PRKN: variants seen among roughly 807,000 people sequenced by gnomAD.
The protein encoded by PRKN is parkin RBR E3 ubiquitin protein ligase.
PRKN carries 56 observed loss-of-function variants against 59.5 expected under a neutral mutation model. The observed-to-expected ratio is 0.94, with a 90% confidence interval of 0.76 to 1.18. The LOEUF (loss-of-function observed/expected upper bound fraction) is 1.18. PRKN is among the 50% of genes most tolerant of loss of function. The probability of loss-of-function intolerance (pLI) is 0.00; values close to 1 mark genes in which losing one functional copy is unlikely to be tolerated. For synonymous variants in PRKN, 250 were observed against 222.1 expected, an observed-to-expected ratio of 1.13 and a Z score of -1.12; for missense variants, 657 against 596.4, an observed-to-expected ratio of 1.10 and a Z score of -1.06.
rs1164741868 is a variant in PRKN at position 161,451,907 on chromosome 6, ACATTCTTTTTT to A, written c.1084-65041_1084-65031del. ...TGTAAACTACATTTATAAATTTAAGACATTCTTTTTTTTCTTTTTTCTTTTCTTTTCTTTTA... is the reference window on the plus strand; with the variant it reads ...TGTAAACTACATTTATAAATTTAAGATTCTTTTTTCTTTTCTTTTCTTTTA... On this transcript the variant is annotated intron_variant, in intron 9 of 11. Transcript: ENST00000366898. The surrounding 1 kb of genome is among the most constrained non-coding windows in gnomAD (Gnocchi z 5.9). Among the ~76,000 whole-genome samples the A allele has an allele frequency of 1.3e-5, 2 of 151,996 alleles. No individual in the cohort carries two copies. Among genetic ancestry groups the A allele is most frequent in the African/African-American group, 2.4e-5 (1 of 41,374 alleles).
At chr6:161,594,059 G>A (rs9456687) in intron 7 of PRKN, among the ~76,000 whole-genome samples, 97,290 of 151,724 alleles carry the variant, frequency 0.64, 31,333 homozygotes, top group Middle Eastern at 0.69. Flanking sequence ...GCTACTTGAG[G>A]GGCTGAGGCA....
chr6:162,686,978 G>C (rs944608163), intron 1 of PRKN, among the ~76,000 whole-genome samples: 1 of 151,976 alleles, frequency 6.6e-6, no homozygotes, highest in Admixed American at 6.5e-5. Flanking sequence ...TTTGGTTGTT[G>C]TTGTTTTGTT....
chr6:161,817,492 G>C (rs1340261289), intron 6 of PRKN, among the ~76,000 whole-genome samples: 1 of 152,152 alleles, frequency 6.6e-6, no homozygotes, highest in African/African-American at 2.4e-5. Context: ...CAGATTTCCT[G>C]TTAAAATGAT....
intron 1 of PRKN, among the ~76,000 whole-genome samples, chr6:162,554,415 T>C (rs9356041): frequency 0.3 from 45,271 of 152,002 alleles, 7,163 homozygotes; most frequent in East Asian, 0.49. Context: ...GGCAGGAGAA[T>C]CACTTGAACT....
intron 6 of PRKN, among the ~76,000 whole-genome samples, chr6:161,899,469 G>C (rs1042387221): frequency 6.6e-6 from 1 of 152,100 alleles, no homozygotes; most frequent in African/African-American, 2.4e-5. Context: ...ATTTACCAAA[G>C]GCTCAGATAA....
intron 2 of PRKN, among the ~76,000 whole-genome samples, chr6:162,286,407 A>G (rs1231505081): frequency 6.6e-6 from 1 of 152,110 alleles, no homozygotes; most frequent in African/African-American, 2.4e-5. Flanking sequence ...CCTTCCTGAT[A>G]GTATGTAGGC....
intron 9 of PRKN, among the ~76,000 whole-genome samples, chr6:161,494,411 T>C (rs1050728726): frequency 6.6e-6 from 1 of 152,216 alleles, no homozygotes; most frequent in Non-Finnish European, 1.5e-5. Context: ...GTCCTTTTCA[T>C]GCCTGTGGAA....
chr6:161,769,697 T>A (rs910446194), intron 7 of PRKN, among the ~76,000 whole-genome samples: 11 of 152,176 alleles, frequency 7.2e-5, no homozygotes, highest in African/African-American at 2.4e-4. Context: ...GATGCATGCC[T>A]AGTTTATAAT....
chr6:162,457,045 G>C (rs1285645717), intron 1 of PRKN, among the ~76,000 whole-genome samples: 2 of 152,144 alleles, frequency 1.3e-5, no homozygotes, highest in Non-Finnish European at 2.9e-5. Context: ...CAAGAAAGCA[G>C]AACACTCAAC....
intron 4 of PRKN, among the ~76,000 whole-genome samples, chr6:162,100,731 C>T (rs1390438782): frequency 6.6e-6 from 1 of 152,128 alleles, no homozygotes; most frequent in Non-Finnish European, 1.5e-5. Context: ...CATGAGCCAC[C>T]GTGCCCGGCC....
At chr6:162,515,894 G>A (rs1777831617) in intron 1 of PRKN, among the ~76,000 whole-genome samples, 1 of 150,588 alleles carries the variant, frequency 6.6e-6, no homozygotes. Flanking sequence ...AATAGGCTAG[G>A]GCCGCATGTG....
intron 6 of PRKN, among the ~76,000 whole-genome samples, chr6:161,809,261 G>T (rs879358812): frequency 6.6e-6 from 1 of 151,052 alleles, no homozygotes; most frequent in Non-Finnish European, 1.5e-5. Context: ...AAAGGCAGGG[G>T]GGGAAGGGGG....
intron 5 of PRKN, among the ~76,000 whole-genome samples, chr6:162,031,250 T>A (rs1432830243): frequency 3.3e-5 from 5 of 151,962 alleles, no homozygotes; most frequent in South Asian, 4.2e-4. Flanking sequence ...TTTTTTTTTT[T>A]AATGATAACA....
chr6:162,136,321 A>C (rs1781563251), intron 4 of PRKN, among the ~76,000 whole-genome samples: 1 of 152,122 alleles, frequency 6.6e-6, no homozygotes, highest in Non-Finnish European at 1.5e-5. Flanking sequence ...GATGCATTTC[A>C]GCTGTTTGAA....
chr6:162,087,980 G>C (rs1779325643), intron 4 of PRKN, among the ~76,000 whole-genome samples: 1 of 152,144 alleles, frequency 6.6e-6, no homozygotes, highest in Non-Finnish European at 1.5e-5. Flanking sequence ...ACGCTCCTCT[G>C]GCTTGAGAGA....
At chr6:162,410,557 T>C (rs1788306654) in intron 2 of PRKN, among the ~76,000 whole-genome samples, 1 of 152,208 alleles carries the variant, frequency 6.6e-6, no homozygotes, top group Admixed American at 6.5e-5. Flanking sequence ...TTGTTTTTCT[T>C]TTCTACTGTC....
In PRKN at chr6:161,722,241, C is replaced by T. The variant is rs559829693; in HGVS notation, c.871+63531G>A. On this transcript the variant is annotated intron_variant, in intron 7 of 11. Transcript: ENST00000366898. ...AGGAAAGCACAAATCCCCATAATGC[C>T]CCCAGCATACAAATATCATAATATT... Among the ~76,000 whole-genome samples, 56 of 147,760 alleles carry T rather than the reference C, an allele frequency of 3.8e-4. 1 individual carries two copies. Among genetic ancestry groups the T allele is most frequent in the African/African-American group, 1.3e-3 (53 of 41,358 alleles).
In PRKN at chr6:161,937,056, G is replaced by A. The variant is rs148199702; in HGVS notation, c.734+36246C>T. On this transcript the variant is annotated intron_variant, in intron 6 of 11. Transcript: ENST00000366898. Reference sequence around the variant, plus strand: ...ATGCCTTGGCCTCCCAAAGTGCTGGGATTACAGGCATGAGCCACCACACCC... The same window carrying A: ...ATGCCTTGGCCTCCCAAAGTGCTGGAATTACAGGCATGAGCCACCACACCC... Among the ~76,000 whole-genome samples the A allele has an allele frequency of 6.0e-4, 92 of 152,252 alleles. No individual in the cohort carries two copies. In the East Asian group the frequency reaches 0.016, roughly 27 times the overall value.
intron 2 of PRKN, among the ~76,000 whole-genome samples, chr6:162,330,088 C>A (rs528936653): frequency 3.9e-5 from 6 of 152,292 alleles, no homozygotes; most frequent in African/African-American, 1.4e-4. Context: ...GTCCTCTATA[C>A]CTTTCATCTA....
Sources: allele counts gnomAD v4.1 joint callset (sites outside exome capture counted in the v4.1 genomes callset), GRCh38; gene constraint gnomAD v4.1.1; non-coding constraint Gnocchi (gnomAD v3.1); transcripts MANE v1.5; gene names NCBI Gene and HGNC (gene_info 2026-07-23, HGNC 2026-07-21).